ACYP1: variants seen among roughly 807,000 people sequenced by gnomAD.
The protein encoded by ACYP1 is acylphosphatase 1.
Under a neutral mutation model 10.4 loss-of-function variants are expected in ACYP1, and 8 were observed. The observed-to-expected ratio is 0.77, with a 90% CI of 0.45 to 1.38. The LOEUF is 1.38. ACYP1 is among the 40% of genes most tolerant of loss of function. The probability of loss-of-function intolerance (pLI) is 0.00; values close to 1 mark genes in which losing one functional copy is unlikely to be tolerated. For missense variants in ACYP1, 93 were observed against 117.3 expected, an observed-to-expected ratio of 0.79 and a Z score of 0.96; for synonymous variants, 38 against 40.8, an observed-to-expected ratio of 0.93 and a Z score of 0.26.
rs186620818 is a variant in ACYP1 at position 75,055,891 on chromosome 14, C to T, written c.85-2232G>A. The stretch of plus-strand genomic sequence containing the variant: ...CTTTAGCTAGACTGATAAAGAAAAA[C>T]GGATGAAAGCCTCAAATTACTAAAA... On this transcript the variant is annotated intron_variant, in intron 2 of 2. Coordinates refer to ENST00000238618, the MANE Select transcript of ACYP1 (RefSeq NM_001107.5). Among the ~76,000 whole-genome samples the T allele has an allele frequency of 6.6e-5, 10 of 151,472 alleles. No individual in the cohort carries two copies. The South Asian group carries it at 8.4e-4, about 13-fold the overall frequency.
At chr14:75,064,110 G>A, upstream of ACYP1, 1 of 899,260 alleles carries the variant, frequency 1.1e-6, no homozygotes, top group Non-Finnish European at 1.3e-6. Flanking sequence ...ATCAGAGACG[G>A]CGCCTCGGCC....
exon 1 of ACYP1, chr14:75,069,360 G>C: frequency 8.3e-7 from 1 of 1,211,516 alleles, no homozygotes; most frequent in East Asian, 3.0e-5. Flanking sequence ...CACACCCCAA[G>C]GTCTGGGAGC....
intron 2 of ACYP1, chr14:75,061,768 T>C (rs958276873): frequency 1.3e-6 from 2 of 1,569,696 alleles, no homozygotes; most frequent in Non-Finnish European, 8.7e-7. Context: ...ATTTCCTATT[T>C]GAGTGTCAGA....
chr14:75,062,268 A>AG (rs1450372869), intron 2 of ACYP1, among the ~76,000 whole-genome samples: 5 of 147,066 alleles, frequency 3.4e-5, no homozygotes, highest in South Asian at 4.3e-4. Flanking sequence ...CTGTTAAAAG[A>AG]GAAAAAAAAA....
chr14:75,064,062 C>T (rs73309750), upstream of ACYP1: 3,910 of 986,518 alleles, frequency 4.0e-3, 122 homozygotes, highest in African/African-American at 0.065. Context: ...GTAGCTGCTC[C>T]TTCGCTGTCG....
In ACYP1 at chr14:75,053,671, A is replaced by G; in HGVS notation, c.85-12T>C. 6.2e-7 allele frequency: 1 copy of G among 1,610,560 alleles called. No individual in the cohort carries two copies. The highest frequency in any genetic ancestry group is 8.5e-7 in the Non-Finnish European group (1 of 1,176,910). ...TTTTTACCCTCAGCCTAAGGGGGGT[A>G]AAAAGAGAGAGAGATCCAGTGAGAT... On this transcript the variant is annotated splice_polypyrimidine_tract_variant and intron_variant, in intron 2 of 2. Transcript: ENST00000238618.
Position 75,053,631 on chromosome 14 carries a change from C to T in ACYP1, c.113G>A (p.Gly38Asp). Residue 38 changes from glycine (G) to aspartate (D), a missense_variant, in exon 3 of 3, where the codon GGC (glycine) becomes GAC (aspartate). Physicochemically the swap from Gly to Asp is moderately conservative, Grantham distance 94. Coordinates refer to ENST00000238618, the MANE Select transcript of ACYP1 (RefSeq NM_001107.5). ...GCCCCGGTCAGTGTTCTGGACCCAGCCTACCAATCCCAGCTTTTTACCCTC... is the reference window on the plus strand; with the variant it reads ...GCCCCGGTCAGTGTTCTGGACCCAGTCTACCAATCCCAGCTTTTTACCCTC... ...QAEGKKLGLV[G>D]WVQNTDRGTV... 6.2e-7 allele frequency: 1 copy of T among 1,614,092 alleles called. No individual in the cohort carries two copies. Among genetic ancestry groups the T allele is most frequent in the Middle Eastern group, 1.6e-4 (1 of 6,062 alleles).
chr14:75,066,575 A>C (rs1893145669), upstream of ACYP1, among the ~76,000 whole-genome samples: 1 of 152,180 alleles, frequency 6.6e-6, no homozygotes. Flanking sequence ...TGCAGAAGTA[A>C]ACTCAATAGG....
chr14:75,061,326 T>A (rs886808703), intron 2 of ACYP1, among the ~76,000 whole-genome samples: 12 of 152,170 alleles, frequency 7.9e-5, no homozygotes, highest in African/African-American at 2.9e-4. Flanking sequence ...TTTTCAAAAG[T>A]CCCTGAATTA....
At chr14:75,056,568 G>A (rs1485236103) in intron 2 of ACYP1, among the ~76,000 whole-genome samples, 2 of 150,414 alleles carry the variant, frequency 1.3e-5, no homozygotes, top group African/African-American at 2.5e-5. Context: ...AAGCTGTCAC[G>A]AGAAAAAACA....
chr14:75,066,564 T>C (rs8022844), upstream of ACYP1, among the ~76,000 whole-genome samples: 1,394 of 152,240 alleles, frequency 9.2e-3, 28 homozygotes, highest in African/African-American at 0.032. Context: ...ATGAGAGACA[T>C]TGCAGAAGTA....
intron 2 of ACYP1, among the ~76,000 whole-genome samples, chr14:75,061,960 G>A (rs1893026461): frequency 6.6e-6 from 1 of 151,952 alleles, no homozygotes; most frequent in African/African-American, 2.4e-5. Context: ...AATTAGCGGG[G>A]CATGGTGGCA....
rs1893081404 is a variant in ACYP1 at position 75,063,516 on chromosome 14, T to A, written c.38A>T (p.Glu13Val). The change falls in exon 2 of 3, where the codon GAA (glutamate) becomes GTA (valine). Residue 13 changes from glutamate to valine, a missense_variant. By Grantham distance (121) the Glu-to-Val change is moderately radical (BLOSUM62 -2). Coordinates refer to ENST00000238618, the MANE Select transcript of ACYP1 (RefSeq NM_001107.5). ...CACCCCTTGCACCTTCCCAAAAATT[T>A]CATAATCCACTGATATCAGGGTGTT... is the stretch of plus-strand genomic sequence containing the variant. ...EGNTLISVDY[E>V]IFGKVQGVFF... 1.2e-6 allele frequency: 2 copies of A among 1,613,736 alleles called. No homozygotes were observed. The highest frequency in any genetic ancestry group is 2.2e-5 in the South Asian group (2 of 91,038).
At chr14:75,064,746 T>A (rs548048420), upstream of ACYP1, among the ~76,000 whole-genome samples, 458 of 152,098 alleles carry the variant, frequency 3.0e-3, 2 homozygotes, top group Admixed American at 5.4e-3. Flanking sequence ...ATAAATAAAT[T>A]AATAAATAAA....
intron 2 of ACYP1, among the ~76,000 whole-genome samples, chr14:75,057,354 C>T (rs894468581): frequency 3.3e-5 from 5 of 151,442 alleles, no homozygotes; most frequent in African/African-American, 1.2e-4. Context: ...TAAAGAGTAT[C>T]TAAATAAATG....
chr14:75,065,179 A>T (rs997156516), upstream of ACYP1, among the ~76,000 whole-genome samples: 1 of 152,238 alleles, frequency 6.6e-6, no homozygotes, highest in African/African-American at 2.4e-5. Flanking sequence ...TACCCTTATG[A>T]TTCATGTGTG....
At chr14:75,067,226 C>T (rs71426996), upstream of ACYP1, among the ~76,000 whole-genome samples, 74,099 of 142,682 alleles carry the variant, frequency 0.52, 18,919 homozygotes, top group East Asian at 0.85. Flanking sequence ...CACACACACA[C>T]ATATATATGA....
chr14:75,069,046 A>C (rs1893224507), intron 1 of ACYP1, among the ~76,000 whole-genome samples: 1 of 152,254 alleles, frequency 6.6e-6, no homozygotes. Flanking sequence ...CTGGGCCCTA[A>C]GTAGAGACGG....
At chr14:75,068,962 T>C (rs1454428651), upstream of ACYP1, among the ~76,000 whole-genome samples, 1 of 152,256 alleles carries the variant, frequency 6.6e-6, no homozygotes, top group Non-Finnish European at 1.5e-5. Context: ...TCATTTACTG[T>C]TGAAGCCAGG....
Sources: allele counts gnomAD v4.1 joint callset (sites outside exome capture counted in the v4.1 genomes callset), GRCh38; gene constraint gnomAD v4.1.1; transcripts MANE v1.5; gene names NCBI Gene and HGNC (gene_info 2026-07-23, HGNC 2026-07-21).